Variants in PCDHGA1 observed in about 807,000 individuals in gnomAD.
PCDHGA1 encodes the protein protocadherin gamma subfamily A, 1.
PCDHGA1 carries 32 observed loss-of-function variants against 58.0 expected under a neutral mutation model. That is an observed-to-expected ratio of 0.55 (90% CI 0.42 to 0.74). The LOEUF is 0.74. Ranked by LOEUF, PCDHGA1 falls within the 30% of genes least tolerant of loss-of-function variation. PCDHGA1 has a pLI of 0.00. For synonymous variants in PCDHGA1, 498 were observed against 501.1 expected (o/e 0.99, Z 0.08); for missense variants, 1,205 against 1,182.3 (o/e 1.02, Z -0.28).
rs766168062 is a variant in PCDHGA1, at chr5:141,491,124, G to A, written c.2422-3683G>A. ...TCGTGTCTACACACACTGGTGAGGT[G>A]CGCACAGCCCGGGCCTTACTGGAGG... On this transcript the variant is annotated intron_variant, in intron 1 of 3. Transcript: ENST00000517417. The surrounding 1 kb of genome is among the most constrained non-coding windows in gnomAD (Gnocchi z 6.9). 22 of 1,614,092 alleles carry A rather than the reference G, an allele frequency of 1.4e-5. No individual in the cohort carries two copies. The highest frequency in any genetic ancestry group is 3.3e-5 in the Admixed American group (2 of 60,004).
chr5:141,507,861 C>G (rs538942097), intron 3 of PCDHGA1, among the ~76,000 whole-genome samples: 6 of 152,306 alleles, frequency 3.9e-5, no homozygotes, highest in South Asian at 4.1e-4. Flanking sequence ...CTTTCACACC[C>G]GCTTCCTAGC....
chr5:141,418,477 C>G (rs2154547707), intron 1 of PCDHGA1: 1 of 1,614,016 alleles, frequency 6.2e-7, no homozygotes, highest in Non-Finnish European at 8.5e-7. Context: ...AAACGCAGAG[C>G]GCTCACCACT....
intron 1 of PCDHGA1, chr5:141,409,843 C>G: frequency 6.2e-7 from 1 of 1,611,804 alleles, no homozygotes; most frequent in Non-Finnish European, 8.5e-7. Context: ...CCAACGTGAG[C>G]CTGCGCGTGT....
intron 1 of PCDHGA1, chr5:141,433,260 C>A: frequency 1.5e-6 from 2 of 1,352,308 alleles, no homozygotes; most frequent in South Asian, 1.4e-5. Flanking sequence ...GCGGTACGAT[C>A]ATAGCTCACT....
chr5:141,421,749 C>T, intron 1 of PCDHGA1: 1 of 1,613,918 alleles, frequency 6.2e-7, no homozygotes, highest in Non-Finnish European at 8.5e-7. Flanking sequence ...ACCAGCTCAG[C>T]CCTAATAATT....
At position 141,357,422 on chromosome 5, in the gene PCDHGA1, T is replaced by A. The variant is rs1277142896; in HGVS notation, c.2421+24317T>A. 1.9e-6 allele frequency: 3 copies of A among 1,614,254 alleles called. No individual in the cohort carries two copies. The African/African-American group carries it at 4.0e-5, about 22-fold the overall frequency. On this transcript the variant is annotated intron_variant, in intron 1 of 3. Coordinates refer to ENST00000517417, the MANE Select transcript of PCDHGA1 (RefSeq NM_018912.3). ...GCAGGTGTGCCTGCCTCGCACTTTG[T>A]GGGCGTGGACGGGGTTCGGGCTTTC...
At position 141,375,585 on chromosome 5, in the gene PCDHGA1, T is replaced by A. The variant is rs765334095; in HGVS notation, c.2421+42480T>A. 3.1e-6 allele frequency: 5 copies of A among 1,614,014 alleles called. No individual in the cohort carries two copies. The African/African-American group carries it at 6.7e-5, about 22-fold the overall frequency. ...GAAGACACCCTCCAGGGGGCGCCCC[T>A]GTCCTCCTACGTGTCCATCAACTCC... On this transcript the variant is annotated intron_variant, in intron 1 of 3. Transcript: ENST00000517417.
chr5:141,384,770 G>A, intron 1 of PCDHGA1: 3 of 1,613,906 alleles, frequency 1.9e-6, no homozygotes, highest in Non-Finnish European at 2.5e-6. Flanking sequence ...CTGTACACGG[G>A]CGAGGTGCGC....
chr5:141,384,999 C>A, intron 1 of PCDHGA1: 1 of 1,614,144 alleles, frequency 6.2e-7, no homozygotes, highest in Non-Finnish European at 8.5e-7. Flanking sequence ...TGGCCACAGT[C>A]TCCTGCGTCT....
chr5:141,466,552 G>C lies in PCDHGA1; in HGVS notation c.2422-28255G>C, dbSNP rs913019489. On this transcript the variant is annotated intron_variant, in intron 1 of 3. Coordinates refer to ENST00000517417, the MANE Select transcript of PCDHGA1 (RefSeq NM_018912.3). ...ATTGATGTAGATGGTCTTTTGCTGTGGGCTTCATCTTCAACATTGTCTCAT... is the reference window on the plus strand; with the variant it reads ...ATTGATGTAGATGGTCTTTTGCTGTCGGCTTCATCTTCAACATTGTCTCAT... 2.6e-5 allele frequency among the ~76,000 whole-genome samples: 4 copies of C among 152,144 alleles called. No homozygotes were observed. The South Asian group carries it at 8.3e-4, about 32-fold the overall frequency.
rs759220286 is a variant in PCDHGA1 at position 141,490,018 on chromosome 5, C to G, written c.2422-4789C>G. The G allele has an allele frequency of 6.2e-7, 1 of 1,614,252 alleles. No individual in the cohort carries two copies. Among genetic ancestry groups the G allele is most frequent in the Non-Finnish European group, 8.5e-7 (1 of 1,180,038 alleles). ...CCCAGAGAATGCACCCATTGGTACTCTGCTGCTCCGCCTCAATGCCACTGA... is the reference window on the plus strand; with the variant it reads ...CCCAGAGAATGCACCCATTGGTACTGTGCTGCTCCGCCTCAATGCCACTGA... On this transcript the variant is annotated intron_variant, in intron 1 of 3. Transcript: ENST00000517417. This position sits in a 1 kb window ranked among gnomAD's most constrained non-coding sequence, Gnocchi z 5.4.
At chr5:141,478,355 G>T (rs1193169527) in intron 1 of PCDHGA1, 7 of 1,613,742 alleles carry the variant, frequency 4.3e-6, no homozygotes, top group Non-Finnish European at 5.1e-6. Flanking sequence ...CGCGGACGCC[G>T]TGCGGGGAGG....
chr5:141,409,000 C>A, intron 1 of PCDHGA1: 4 of 1,613,950 alleles, frequency 2.5e-6, no homozygotes, highest in Non-Finnish European at 3.4e-6. Flanking sequence ...AAGTGACAGC[C>A]ACTGACCAGG....
At chr5:141,347,777 A>G (rs1758015227) in intron 1 of PCDHGA1, among the ~76,000 whole-genome samples, 1 of 147,018 alleles carries the variant, frequency 6.8e-6, no homozygotes, top group African/African-American at 2.5e-5. Flanking sequence ...ATAGAGAGAG[A>G]CTCCATCTCA....
At chr5:141,342,133 G>T (rs183959056) in intron 1 of PCDHGA1, 1 of 151,768 alleles carries the variant, frequency 6.6e-6, no homozygotes. Flanking sequence ...TTTCTCATAC[G>T]TGGGAACCAT....
chr5:141,489,271 G>A lies in PCDHGA1; in HGVS notation c.2422-5536G>A, dbSNP rs1431562179. The A allele has an allele frequency of 2.4e-5, 37 of 1,554,676 alleles. No individual in the cohort carries two copies. The highest frequency in any genetic ancestry group is 3.0e-5 in the Non-Finnish European group (35 of 1,150,770). ...GCCCAAGACACTCCCACAGCTCGCT[G>A]GGAAATGGCAAGTGCTGTGCATGTT... On this transcript the variant is annotated intron_variant, in intron 1 of 3. Transcript: ENST00000517417. The surrounding 1 kb of genome is among the most constrained non-coding windows in gnomAD (Gnocchi z 4.5).
chr5:141,333,218 G>A (rs1175007554), intron 1 of PCDHGA1, 113 bp downstream of exon 1: 25 of 1,485,500 alleles, frequency 1.7e-5, no homozygotes, highest in Non-Finnish European at 2.2e-5. Flanking sequence ...TATCTTTGTA[G>A]CTTTTTATTA....
At chr5:141,379,558 A>G (rs917784555) in intron 1 of PCDHGA1, 4 of 152,206 alleles carry the variant, frequency 2.6e-5, no homozygotes, top group African/African-American at 7.2e-5. Flanking sequence ...ACTACTTTTC[A>G]TGGAGATCAG....
Position 141,432,479 on chromosome 5 carries a change from G to A in PCDHGA1, c.2422-62328G>A, listed in dbSNP as rs771261875. ...CGCCCTCCCCACGGACGGTTCCACT[G>A]GCGTGGAGCTGGCTCCCCGCTCCGC... On this transcript the variant is annotated intron_variant, in intron 1 of 3. Transcript: ENST00000517417. The surrounding 1 kb of genome is among the most constrained non-coding windows in gnomAD (Gnocchi z 6.0). The A allele has an allele frequency of 3.8e-5, 62 of 1,614,076 alleles. No individual in the cohort carries two copies. Among genetic ancestry groups the A allele is most frequent in the Non-Finnish European group, 4.9e-5 (58 of 1,180,052 alleles).
Sources: gnomAD v4.1 joint callset for allele counts (sites outside exome capture counted in the v4.1 genomes callset) on GRCh38, gnomAD v4.1.1 for gene constraint, Gnocchi (gnomAD v3.1) non-coding constraint, MANE v1.5 for transcripts, NCBI Gene and HGNC (gene_info 2026-07-23, HGNC 2026-07-21) for gene names.